KAT2B: variants seen among roughly 807,000 people sequenced by gnomAD.
The protein encoded by KAT2B is histone acetyltransferase KAT2B.
A neutral mutation model predicts 105.9 loss-of-function variants in KAT2B; 36 were observed. The ratio of observed to expected loss-of-function variants is 0.34; its 90% confidence interval spans 0.26 to 0.45. KAT2B has a LOEUF of 0.45. Among genes scored for constraint, KAT2B ranks in the 20% least tolerant of loss-of-function variants. The pLI, the probability that KAT2B is intolerant of heterozygous loss-of-function variation, is 1.00. For synonymous variants in KAT2B, 397 were observed against 377.9 expected (o/e 1.05, Z -0.59); for missense variants, 820 against 1,021.6 (o/e 0.80, Z 2.69).
At chr3:20,072,233 G>A in intron 1 of KAT2B, 100 bp from the exon 2 acceptor site, 1 of 1,231,532 alleles carries the variant, frequency 8.1e-7, no homozygotes, top group Non-Finnish European at 1.2e-6. Flanking sequence ...GGGGTGAGGG[G>A]ATAGCTGTCA....
chr3:20,047,551 C>G (rs926676279), intron 1 of KAT2B, among the ~76,000 whole-genome samples: 3 of 151,616 alleles, frequency 2.0e-5, no homozygotes, highest in African/African-American at 7.3e-5. Flanking sequence ...TCCATCACCA[C>G]AACCCAGTGT....
rs1559514147 is a variant in KAT2B, at chr3:20,062,133, A to AAAATATAT, written c.304-10198_304-10197insATATATAA. The stretch of plus-strand genomic sequence containing the variant: ...ATATTATATAAAACATATATATATA[A>AAAATATAT]AATATATAATATATAAAAATATATA... On this transcript the variant is annotated intron_variant, in intron 1 of 17. Transcript: ENST00000263754. Among the ~76,000 whole-genome samples, 2 of 95,500 alleles carry AAAATATAT rather than the reference A, an allele frequency of 2.1e-5. 1 individual carries two copies. Among genetic ancestry groups the AAAATATAT allele is most frequent in the Admixed American group, 3.4e-4 (2 of 5,954 alleles). The allele number at this position is 95,500 out of a possible 152,430, so 62.7% of individuals were successfully genotyped here.
chr3:20,059,328 C>T (rs972969816), intron 1 of KAT2B, among the ~76,000 whole-genome samples: 9 of 129,896 alleles, frequency 6.9e-5, no homozygotes, highest in African/African-American at 1.8e-4. Flanking sequence ...GCAGGAGAAT[C>T]GCTTGAACCT....
At chr3:20,130,138 C>T (rs986674532) in intron 11 of KAT2B, among the ~76,000 whole-genome samples, 8 of 152,166 alleles carry the variant, frequency 5.3e-5, no homozygotes, top group African/African-American at 1.2e-4. Flanking sequence ...CCACCACGCC[C>T]GGCCTCAGCA....
intron 6 of KAT2B, among the ~76,000 whole-genome samples, chr3:20,112,473 C>T (rs1249864855): frequency 2.6e-5 from 4 of 152,162 alleles, no homozygotes; most frequent in Non-Finnish European, 5.9e-5. Context: ...CACCATTGGC[C>T]TTGGAAATGC....
chr3:20,077,431 A>G (rs1698438478), intron 2 of KAT2B, among the ~76,000 whole-genome samples: 1 of 152,214 alleles, frequency 6.6e-6, no homozygotes, highest in Admixed American at 6.5e-5. Context: ...ATCTCCATCC[A>G]CAGAATGAAA....
chr3:20,085,568 T>G (rs969393740), intron 2 of KAT2B, among the ~76,000 whole-genome samples: 5 of 151,210 alleles, frequency 3.3e-5, no homozygotes, highest in Non-Finnish European at 7.4e-5. Flanking sequence ...TGGAGTGCAG[T>G]GGTGCAATTT....
intron 13 of KAT2B, among the ~76,000 whole-genome samples, chr3:20,144,040 G>T (rs761460614): frequency 2.6e-5 from 4 of 151,750 alleles, no homozygotes; most frequent in Non-Finnish European, 5.9e-5. Context: ...AATTAAAAAA[G>T]ATCTCTTCTC....
In KAT2B at chr3:20,153,934, T is replaced by C. The variant is rs1293314539; in HGVS notation, c.*1409T>C. Reference sequence around the variant, plus strand: ...GGAAAAAGAACCCTGCAAATGGCTATTGAGTTGGAAGTATTGTTTTTGATA... The same window carrying C: ...GGAAAAAGAACCCTGCAAATGGCTACTGAGTTGGAAGTATTGTTTTTGATA... On this transcript the variant is annotated 3_prime_UTR_variant, in exon 18 of 18. Transcript: ENST00000263754. 6.6e-6 allele frequency: 1 copy of C among 152,426 alleles called. No individual in the cohort carries two copies. Among genetic ancestry groups the C allele is most frequent in the Non-Finnish European group, 1.5e-5 (1 of 68,000 alleles). The allele number at this position is 152,426 out of a possible 1,614,324, so 9.4% of individuals were successfully genotyped here.
intron 5 of KAT2B, among the ~76,000 whole-genome samples, chr3:20,107,810 T>C: frequency 7.1e-6 from 1 of 141,758 alleles, no homozygotes; most frequent in East Asian, 2.0e-4. Context: ...TTTTTCCTTT[T>C]TTTTTTTTTT....
intron 5 of KAT2B, among the ~76,000 whole-genome samples, chr3:20,106,126 A>T (rs1009564640): frequency 6.6e-6 from 1 of 152,214 alleles, no homozygotes; most frequent in Non-Finnish European, 1.5e-5. Flanking sequence ...GTAGAATGAC[A>T]TGGTCTTCTG....
Position 20,136,927 on chromosome 3 carries a change from C to T in KAT2B, c.1750-15C>T, listed in dbSNP as rs1699612650. On this transcript the variant is annotated splice_polypyrimidine_tract_variant and intron_variant, in intron 11 of 17. Transcript: ENST00000263754. ...CCAGTCTAATGTATTTGTTTGTATA[C>T]TAACTTCCACACAGGGCTATGGAAC... 6.9e-7 allele frequency: 1 copy of T among 1,443,182 alleles called. No homozygotes were observed. Among genetic ancestry groups the T allele is most frequent in the Non-Finnish European group, 9.7e-7 (1 of 1,028,924 alleles). The allele number at this position is 1,443,182 out of a possible 1,614,324, so 89.4% of individuals were successfully genotyped here. A position where few individuals can be genotyped will look rare whatever the true frequency, so the allele number is the denominator to read the frequency against.
At chr3:20,127,374 T>G in intron 10 of KAT2B, 49 bp from the exon 11 acceptor site, 1 of 1,538,278 alleles carries the variant, frequency 6.5e-7, no homozygotes, top group Non-Finnish European at 9.0e-7. Context: ...AAAAAGTATA[T>G]TTATATAACT....
intron 4 of KAT2B, 84 bp downstream of exon 4, chr3:20,100,038 C>A: frequency 1.4e-6 from 1 of 730,102 alleles, no homozygotes. Context: ...CTATCTACGG[C>A]TTCCCTCCTC....
intron 7 of KAT2B, among the ~76,000 whole-genome samples, chr3:20,118,726 C>CAAA (rs202106321): frequency 1.0e-4 from 9 of 90,128 alleles, no homozygotes; most frequent in Non-Finnish European, 1.7e-4. Flanking sequence ...AACTTTGTCT[C>CAAA]AAAAAAAAAA....
chr3:20,144,276 CTTTTTTTT>C (rs761735374), intron 13 of KAT2B, among the ~76,000 whole-genome samples: 79 of 89,380 alleles, frequency 8.8e-4, no homozygotes, highest in Admixed American at 5.2e-4. Context: ...CCTTGGGATT[CTTTTTTTT>C]TTTTTTTTTT....
At position 20,075,863 on chromosome 3, in the gene KAT2B, G is replaced by A. The variant is rs1455975334; in HGVS notation, c.430+3404G>A. 2.1e-5 allele frequency among the ~76,000 whole-genome samples: 3 copies of A among 140,674 alleles called. No individual in the cohort carries two copies. In the Admixed American group the frequency reaches 2.2e-4, roughly 10 times the overall value. The allele number at this position is 140,674 out of a possible 152,430, so 92.3% of individuals were successfully genotyped here. A position where few individuals can be genotyped will look rare whatever the true frequency, so the allele number is the denominator to read the frequency against. ...GGGAGCAGAGGCTGCAGTGAGCCGA[G>A]ATCTCACCACTGCAGCCTGGGCGAC... On this transcript the variant is annotated intron_variant, in intron 2 of 17. Coordinates refer to ENST00000263754, the MANE Select transcript of KAT2B (RefSeq NM_003884.5).
At chr3:20,050,301 T>G (rs1697893847) in intron 1 of KAT2B, among the ~76,000 whole-genome samples, 1 of 152,136 alleles carries the variant, frequency 6.6e-6, no homozygotes, top group South Asian at 2.1e-4. Context: ...TAAAAAAAAC[T>G]TTTAGTTGCA....
At chr3:20,136,159 A>G (rs968970476) in intron 11 of KAT2B, among the ~76,000 whole-genome samples, 3 of 152,216 alleles carry the variant, frequency 2.0e-5, no homozygotes, top group African/African-American at 7.2e-5. Context: ...ACCAAATTGC[A>G]GAAAATTTAT....
Sources: allele counts gnomAD v4.1 joint callset (sites outside exome capture counted in the v4.1 genomes callset), GRCh38; gene constraint gnomAD v4.1.1; transcripts MANE v1.5; gene names NCBI Gene and HGNC (gene_info 2026-07-23, HGNC 2026-07-21).